The following DOCK3 variants were observed in gnomAD, a reference collection of about 807,000 sequenced individuals.
The protein encoded by DOCK3 is dedicator of cytokinesis protein 3.
A neutral mutation model predicts 265.6 loss-of-function variants in DOCK3; 60 were observed. The observed-to-expected ratio is 0.23, with a 90% CI of 0.18 to 0.28. The LOEUF (loss-of-function observed/expected upper bound fraction) is 0.28. DOCK3 is among the 10% of genes least tolerant of loss of function. The probability of loss-of-function intolerance (pLI) is 1.00; values close to 1 mark genes in which losing one functional copy is unlikely to be tolerated. For missense variants in DOCK3, 1,981 were observed against 2,594.3 expected (o/e 0.76, Z 5.14); for synonymous variants, 881 against 938.0 (o/e 0.94, Z 1.11).
At chr3:51,026,136 G>A (rs962267761) in intron 5 of DOCK3, among the ~76,000 whole-genome samples, 1 of 151,816 alleles carries the variant, frequency 6.6e-6, no homozygotes, top group Non-Finnish European at 1.5e-5. Context: ...CCTCCAATCT[G>A]CCATTTTGAA....
chr3:50,985,621 G>A (rs1198462385), intron 5 of DOCK3, among the ~76,000 whole-genome samples: 1 of 151,950 alleles, frequency 6.6e-6, no homozygotes, highest in African/African-American at 2.4e-5. Context: ...TGACAACTCT[G>A]CTTCTGGTCA....
intron 27 of DOCK3, among the ~76,000 whole-genome samples, chr3:51,290,193 C>T (rs962678443): frequency 6.6e-6 from 1 of 151,962 alleles, no homozygotes; most frequent in African/African-American, 2.4e-5. Flanking sequence ...GGGTATATAC[C>T]CAGAGGAATA....
At chr3:50,761,381 T>G (rs1035029323) in intron 1 of DOCK3, among the ~76,000 whole-genome samples, 9 of 152,164 alleles carry the variant, frequency 5.9e-5, no homozygotes, top group African/African-American at 1.9e-4. Flanking sequence ...AAACAAAATT[T>G]CTAAATTGCT....
In DOCK3 at chr3:51,365,063, T is replaced by C. The variant is rs1391001135; in HGVS notation, c.5293+2389T>C. On this transcript the variant is annotated intron_variant, in intron 49 of 52. Coordinates refer to ENST00000266037, the MANE Select transcript of DOCK3 (RefSeq NM_004947.5). ...ATGGGGATGGCATTGAATCTATAAA[T>C]TACCTTGGCAGTATGGCCATTTTCA... Among the ~76,000 whole-genome samples the C allele has an allele frequency of 2.0e-5, 3 of 152,246 alleles. No homozygotes were observed. In the East Asian group the frequency reaches 5.8e-4, roughly 29 times the overall value.
chr3:50,973,961 C>A (rs2077345139), intron 5 of DOCK3, among the ~76,000 whole-genome samples: 2 of 145,154 alleles, frequency 1.4e-5, no homozygotes, highest in African/African-American at 5.1e-5. Context: ...CTGTTCATGT[C>A]CTTTGCCCAC....
chr3:51,287,112 A>G (rs2081447863), intron 27 of DOCK3, among the ~76,000 whole-genome samples: 1 of 152,242 alleles, frequency 6.6e-6, no homozygotes, highest in South Asian at 2.1e-4. Context: ...ACTTAAATTC[A>G]CAAGCAAAAA....
intron 5 of DOCK3, among the ~76,000 whole-genome samples, chr3:51,043,943 T>A (rs1285236837): frequency 2.0e-5 from 3 of 152,142 alleles, no homozygotes; most frequent in Admixed American, 6.6e-5. Flanking sequence ...CTGGCAAGGT[T>A]GTGGAGAAAA....
At chr3:50,979,699 A>G (rs1335715907) in intron 5 of DOCK3, among the ~76,000 whole-genome samples, 4 of 152,224 alleles carry the variant, frequency 2.6e-5, no homozygotes, top group Non-Finnish European at 5.9e-5. Context: ...AGCCTCAGGT[A>G]TACATTTATG....
chr3:51,070,257 C>A (rs2081801728), intron 6 of DOCK3, among the ~76,000 whole-genome samples: 1 of 152,180 alleles, frequency 6.6e-6, no homozygotes, highest in Admixed American at 6.5e-5. Flanking sequence ...TGATGTTTGA[C>A]ACAGAATCAT....
chr3:51,322,677 G>A (rs904913529), intron 32 of DOCK3, among the ~76,000 whole-genome samples: 9 of 151,990 alleles, frequency 5.9e-5, no homozygotes, highest in South Asian at 2.1e-4. Flanking sequence ...AGGAGTAACC[G>A]GTACCAGCCA....
intron 1 of DOCK3, among the ~76,000 whole-genome samples, chr3:50,704,950 A>G (rs1453540807): frequency 6.6e-6 from 1 of 151,652 alleles, no homozygotes; most frequent in African/African-American, 2.4e-5. Context: ...TAATTGGAGA[A>G]TTTAAACTGT....
chr3:51,060,455 G>A lies in DOCK3; in HGVS notation c.316-3993G>A, dbSNP rs559674868. Among the ~76,000 whole-genome samples, 23 of 152,126 alleles carry A rather than the reference G, an allele frequency of 1.5e-4. No individual in the cohort carries two copies. The South Asian group carries it at 2.7e-3, about 18-fold the overall frequency. On this transcript the variant is annotated intron_variant, in intron 5 of 52. Coordinates refer to ENST00000266037, the MANE Select transcript of DOCK3 (RefSeq NM_004947.5). The stretch of plus-strand genomic sequence containing the variant: ...TGCCATTGCTTTTGGTGTTTTATAC[G>A]TGAAGTCCTTGCCCATGCCTGTGTC...
At chr3:51,190,741 A>T (rs2087891601) in intron 12 of DOCK3, among the ~76,000 whole-genome samples, 1 of 152,186 alleles carries the variant, frequency 6.6e-6, no homozygotes, top group Non-Finnish European at 1.5e-5. Context: ...GAGGCTAGAG[A>T]GCTCCCAAAA....
intron 22 of DOCK3, among the ~76,000 whole-genome samples, chr3:51,251,667 T>C (rs1051512300): frequency 6.6e-6 from 1 of 152,272 alleles, no homozygotes; most frequent in Non-Finnish European, 1.5e-5. Flanking sequence ...CATAAATGTC[T>C]TCTTTTGAGA....
intron 1 of DOCK3, among the ~76,000 whole-genome samples, chr3:50,680,234 C>T (rs1262852247): frequency 7.2e-6 from 1 of 139,130 alleles, no homozygotes; most frequent in Admixed American, 7.6e-5. Flanking sequence ...TTTTTTTAGA[C>T]AGAGTCTTGC....
intron 12 of DOCK3, among the ~76,000 whole-genome samples, chr3:51,174,167 C>T (rs2107657582): frequency 6.6e-6 from 1 of 152,070 alleles, no homozygotes; most frequent in East Asian, 1.9e-4. Flanking sequence ...CATTGTTAAA[C>T]TTCTTGGCTG....
At chr3:50,829,494 G>A (rs1052714955) in intron 2 of DOCK3, among the ~76,000 whole-genome samples, 1 of 152,076 alleles carries the variant, frequency 6.6e-6, no homozygotes, top group Non-Finnish European at 1.5e-5. Context: ...TTATCCCTAA[G>A]GCTCAGTTGC....
chr3:50,725,325 G>A (rs2037749634), intron 1 of DOCK3, among the ~76,000 whole-genome samples: 1 of 152,174 alleles, frequency 6.6e-6, no homozygotes, highest in Admixed American at 6.5e-5. Flanking sequence ...GTAAATTAAG[G>A]ATGTGTATTA....
rs141747968 is a variant in DOCK3 at position 51,359,498 on chromosome 3, G to C, written c.4885-1013G>C. ...TTAAGAACTTGGGCAGTATCGCTGAGTCTGGTGGGTATTCATTCCACTACC... is the reference window on the plus strand; with the variant it reads ...TTAAGAACTTGGGCAGTATCGCTGACTCTGGTGGGTATTCATTCCACTACC... On this transcript the variant is annotated intron_variant, in intron 46 of 52. Transcript: ENST00000266037. The surrounding 1 kb of genome is among the most constrained non-coding windows in gnomAD (Gnocchi z 4.8). Among the ~76,000 whole-genome samples, 2 of 152,196 alleles carry C rather than the reference G, an allele frequency of 1.3e-5. No homozygotes were observed. Among genetic ancestry groups the C allele is most frequent in the African/African-American group, 4.8e-5 (2 of 41,436 alleles).
Sources: gnomAD v4.1 joint callset for allele counts (sites outside exome capture counted in the v4.1 genomes callset) on GRCh38, gnomAD v4.1.1 for gene constraint, Gnocchi (gnomAD v3.1) non-coding constraint, MANE v1.5 for transcripts, NCBI Gene and HGNC (gene_info 2026-07-23, HGNC 2026-07-21) for gene names.